Variants in GNG2 observed in about 807,000 individuals in gnomAD.
The protein encoded by GNG2 is G protein subunit gamma 2, also known as guanine nucleotide-binding protein G(I)/G(S)/G(O) subunit gamma-2.
Under a neutral mutation model 5.5 loss-of-function variants are expected in GNG2, and 5 were observed. The ratio of observed to expected loss-of-function variants is 0.91; its 90% CI spans 0.48 to 1.92. The LOEUF is 1.92. Among genes scored for constraint, GNG2 ranks in the 30% most tolerant of loss-of-function variants. The pLI, the probability that GNG2 is intolerant of heterozygous loss-of-function variation, is 0.01. For missense variants in GNG2, 55 were observed against 88.4 expected (o/e 0.62, Z 1.52); for synonymous variants, 28 against 32.0 (o/e 0.88, Z 0.42).
chr14:51,877,593 T>G, intron 1 of GNG2, 24 bp from the exon 2 acceptor site: 1 of 455,732 alleles, frequency 2.2e-6, no homozygotes, highest in Non-Finnish European at 4.4e-6. Context: ...AAAAAATTCG[T>G]TTTTCTCTCT....
chr14:51,906,395 G>A (rs1440724601), intron 2 of GNG2, among the ~76,000 whole-genome samples: 1 of 152,114 alleles, frequency 6.6e-6, no homozygotes, highest in Non-Finnish European at 1.5e-5. Flanking sequence ...TATTCCTGAA[G>A]CATGATTTGG....
intron 2 of GNG2, among the ~76,000 whole-genome samples, chr14:51,937,623 A>ATTTTTTTTTTTTTTTTTT (rs60571273): frequency 2.2e-5 from 3 of 133,584 alleles, no homozygotes; most frequent in Non-Finnish European, 3.0e-5. Flanking sequence ...GAAATACATA[A>ATTTTTTTTTTTTTTTTTT]TTTTTTTTTT....
chr14:51,859,125 A>G (rs1270608289), upstream of GNG2, among the ~76,000 whole-genome samples: 2 of 152,172 alleles, frequency 1.3e-5, no homozygotes, highest in African/African-American at 2.4e-5. Flanking sequence ...TTAAGGCAAA[A>G]CTGGATTAAA....
chr14:51,828,275 T>C (rs1223353702), intron 2 of GNG2, among the ~76,000 whole-genome samples: 3 of 152,178 alleles, frequency 2.0e-5, no homozygotes, highest in Non-Finnish European at 4.4e-5. Flanking sequence ...TGGTCTGCGG[T>C]GAGCGCTTTC....
intron 2 of GNG2, among the ~76,000 whole-genome samples, chr14:51,896,837 A>C (rs1403224814): frequency 6.6e-6 from 1 of 152,224 alleles, no homozygotes; most frequent in Non-Finnish European, 1.5e-5. Flanking sequence ...TTAAACAAAA[A>C]GTCATACACT....
At chr14:51,905,127 C>G (rs141321594) in intron 2 of GNG2, among the ~76,000 whole-genome samples, 1 of 152,088 alleles carries the variant, frequency 6.6e-6, no homozygotes, top group Non-Finnish European at 1.5e-5. Flanking sequence ...TTGGTTGGCT[C>G]GCTGCATCCA....
At chr14:51,829,837 T>G (rs1881133080) in intron 2 of GNG2, among the ~76,000 whole-genome samples, 2 of 127,100 alleles carry the variant, frequency 1.6e-5, no homozygotes, top group Admixed American at 8.3e-5. Context: ...GATCACTCCC[T>G]ACTTCTTCTT....
intron 3 of GNG2, chr14:51,951,952 A>G: frequency 1.4e-6 from 1 of 697,082 alleles, no homozygotes; most frequent in Non-Finnish European, 2.6e-6. Context: ...CAACACCCAG[A>G]GAGCTCTATA....
intron 2 of GNG2, among the ~76,000 whole-genome samples, chr14:51,938,842 C>G (rs962023272): frequency 3.3e-5 from 5 of 152,154 alleles, no homozygotes; most frequent in Non-Finnish European, 1.5e-5. Context: ...AGGGTAGTCT[C>G]CCTGAACTAC....
At chr14:51,914,613 T>C (rs1566683458) in intron 2 of GNG2, among the ~76,000 whole-genome samples, 1 of 152,196 alleles carries the variant, frequency 6.6e-6, no homozygotes, top group Non-Finnish European at 1.5e-5. Context: ...AATTCATTTG[T>C]AAGTGAAATA....
At chr14:51,859,961 C>G (rs941371068), upstream of GNG2, among the ~76,000 whole-genome samples, 13 of 152,164 alleles carry the variant, frequency 8.5e-5, no homozygotes, top group African/African-American at 3.1e-4. Context: ...GTTTAGTTCC[C>G]GTGCCCCATA....
intron 2 of GNG2, among the ~76,000 whole-genome samples, chr14:51,832,265 T>G: frequency 1.4e-5 from 2 of 140,878 alleles, no homozygotes; most frequent in African/African-American, 2.6e-5. Flanking sequence ...TAGCCAACAG[T>G]GAGACCCTGT....
At chr14:51,905,254 A>G (rs1446865115) in intron 2 of GNG2, among the ~76,000 whole-genome samples, 1 of 152,220 alleles carries the variant, frequency 6.6e-6, no homozygotes, top group Admixed American at 6.5e-5. Flanking sequence ...TAGACACTTA[A>G]GATTCAATAA....
chr14:51,887,901 A>T (rs1884576868), intron 2 of GNG2, among the ~76,000 whole-genome samples: 1 of 152,220 alleles, frequency 6.6e-6, no homozygotes, highest in African/African-American at 2.4e-5. Flanking sequence ...ACCATATGGA[A>T]GTATAATTGA....
At chr14:51,904,405 A>T (rs1885769786) in intron 2 of GNG2, among the ~76,000 whole-genome samples, 1 of 152,212 alleles carries the variant, frequency 6.6e-6, no homozygotes, top group Non-Finnish European at 1.5e-5. Context: ...AGGGGCAAAG[A>T]ATAGTAAAAG....
chr14:51,935,142 C>T (rs1887911958), intron 2 of GNG2, among the ~76,000 whole-genome samples: 2 of 151,838 alleles, frequency 1.3e-5, no homozygotes, highest in South Asian at 4.2e-4. Context: ...CTCCTACCTC[C>T]GCCTCCCAAG....
chr14:51,845,920 T>C (rs139430594), intron 2 of GNG2, among the ~76,000 whole-genome samples: 13 of 152,314 alleles, frequency 8.5e-5, no homozygotes, highest in Non-Finnish European at 1.5e-4. Flanking sequence ...TTGTGCTCTG[T>C]AGTCCCCCGG....
chr14:51,861,061 C>T (rs1882442949), intron 1 of GNG2, among the ~76,000 whole-genome samples: 1 of 152,120 alleles, frequency 6.6e-6, no homozygotes, highest in African/African-American at 2.4e-5. Context: ...CGGAGGAAAA[C>T]CAGGGCTGAG....
intron 2 of GNG2, among the ~76,000 whole-genome samples, chr14:51,837,490 C>T (rs1881363680): frequency 2.0e-5 from 3 of 151,706 alleles, no homozygotes. Flanking sequence ...ATTAAAAATA[C>T]AAAAATATTA....
Sources: allele counts gnomAD v4.1 joint callset (sites outside exome capture counted in the v4.1 genomes callset), GRCh38; gene constraint gnomAD v4.1.1; transcripts MANE v1.5; gene names NCBI Gene and HGNC (gene_info 2026-07-23, HGNC 2026-07-21).